Variants in DOCK2 observed in about 807,000 individuals in gnomAD.
DOCK2 encodes dedicator of cytokinesis protein 2.
Under a neutral mutation model 248.9 loss-of-function variants are expected in DOCK2, and 87 were observed. The ratio of observed to expected loss-of-function variants is 0.35; its 90% CI spans 0.29 to 0.42. The LOEUF is 0.42. Among genes scored for constraint, DOCK2 ranks in the 10% least tolerant of loss-of-function variants. The probability of loss-of-function intolerance (pLI) is 1.00; values close to 1 mark genes in which losing one functional copy is unlikely to be tolerated. For synonymous variants in DOCK2, 805 were observed against 821.6 expected (o/e 0.98, Z 0.35); for missense variants, 1,747 against 2,300.2 (o/e 0.76, Z 4.92).
At chr5:169,834,189 C>T (rs1769414753) in intron 26 of DOCK2, among the ~76,000 whole-genome samples, 2 of 132,300 alleles carry the variant, frequency 1.5e-5, no homozygotes, top group African/African-American at 3.0e-5. Flanking sequence ...GCCCTACTCA[C>T]ATGCTCAGTC....
intron 25 of DOCK2, among the ~76,000 whole-genome samples, chr5:169,787,715 T>C (rs1022582869): frequency 2.6e-5 from 4 of 151,842 alleles, no homozygotes; most frequent in African/African-American, 4.8e-5. Context: ...GCTTTTTTTT[T>C]TTTTTTGCCT....
At chr5:169,975,724 C>T (rs1468394491) in intron 27 of DOCK2, among the ~76,000 whole-genome samples, 1 of 152,182 alleles carries the variant, frequency 6.6e-6, no homozygotes, top group Admixed American at 6.5e-5. Flanking sequence ...TCATTAGTGG[C>T]ACATATCACT....
At chr5:169,778,941 G>A (rs1028963072) in intron 25 of DOCK2, among the ~76,000 whole-genome samples, 9 of 152,072 alleles carry the variant, frequency 5.9e-5, no homozygotes, top group East Asian at 1.9e-4. Context: ...TGTGGTATTC[G>A]TTTTTCTGTG....
rs778166712 is a variant in DOCK2 at position 169,751,389 on chromosome 5, C to T, written c.2376+3885C>T. On this transcript the variant is annotated intron_variant, in intron 23 of 51. Coordinates refer to ENST00000520908, the MANE Select transcript of DOCK2 (RefSeq NM_004946.3). ...GAAAGTTTCAGCTAGTGAAATAGTA[C>T]GAGGTGACCGGAGTCTTGATTCTGA... Among the ~76,000 whole-genome samples the T allele has an allele frequency of 3.0e-4, 46 of 152,240 alleles. 2 individuals carry two copies. The South Asian group carries it at 8.3e-3, about 27-fold the overall frequency.
intron 26 of DOCK2, among the ~76,000 whole-genome samples, chr5:169,838,460 G>A (rs779492728): frequency 1.3e-5 from 2 of 152,220 alleles, no homozygotes; most frequent in Non-Finnish European, 2.9e-5. Context: ...ACTAAAGACT[G>A]TCAGCTGTGG....
At chr5:169,992,181 A>G (rs1164465018) in intron 29 of DOCK2, among the ~76,000 whole-genome samples, 1 of 152,170 alleles carries the variant, frequency 6.6e-6, no homozygotes, top group East Asian at 1.9e-4. Flanking sequence ...TGGAAACCAT[A>G]TCTAACTCAG....
intron 27 of DOCK2, among the ~76,000 whole-genome samples, chr5:169,856,468 T>C (rs1282366630): frequency 6.6e-6 from 1 of 152,140 alleles, no homozygotes; most frequent in Non-Finnish European, 1.5e-5. Flanking sequence ...TGCATATTAG[T>C]GGAGATGAGG....
intron 10 of DOCK2, among the ~76,000 whole-genome samples, chr5:169,696,345 G>C (rs1760625119): frequency 6.6e-6 from 1 of 152,216 alleles, no homozygotes. Flanking sequence ...CTAAATTCCA[G>C]ATGGAAACGG....
chr5:169,804,703 A>G (rs1464567325), intron 26 of DOCK2, among the ~76,000 whole-genome samples: 1 of 152,236 alleles, frequency 6.6e-6, no homozygotes, highest in South Asian at 2.1e-4. Context: ...CCTGAAATTC[A>G]TAGACTTCAT....
At position 169,660,879 on chromosome 5, in the gene DOCK2, T is replaced by C. The variant is rs138240391; in HGVS notation, c.127+6393T>C. On this transcript the variant is annotated intron_variant, in intron 2 of 51. Coordinates refer to ENST00000520908, the MANE Select transcript of DOCK2 (RefSeq NM_004946.3). The stretch of plus-strand genomic sequence containing the variant: ...AGTTTTCCTCCCTTCTGAGTGAGGA[T>C]GAGGCTCAGACGTCAGTAAACTTCC... Among the ~76,000 whole-genome samples the C allele has an allele frequency of 5.8e-4, 89 of 152,280 alleles. 1 individual carries two copies. The East Asian group carries it at 0.017, about 28-fold the overall frequency.
chr5:169,757,294 G>A (rs1157890212), intron 23 of DOCK2, among the ~76,000 whole-genome samples: 1 of 151,936 alleles, frequency 6.6e-6, no homozygotes, highest in Non-Finnish European at 1.5e-5. Context: ...GAATGTACTG[G>A]ATACTGTGAC....
At chr5:169,760,641 C>A (rs1401971260) in intron 24 of DOCK2, among the ~76,000 whole-genome samples, 1 of 152,110 alleles carries the variant, frequency 6.6e-6, no homozygotes, top group Non-Finnish European at 1.5e-5. Flanking sequence ...AATTAAATTT[C>A]TCCCCCAGCC....
chr5:169,841,749 C>T (rs1444048085), intron 27 of DOCK2, among the ~76,000 whole-genome samples: 1 of 152,184 alleles, frequency 6.6e-6, no homozygotes, highest in Non-Finnish European at 1.5e-5. Flanking sequence ...CACTAAAAGT[C>T]ATACCTTACT....
intron 2 of DOCK2, among the ~76,000 whole-genome samples, chr5:169,664,343 T>G (rs1374886864): frequency 1.3e-5 from 2 of 152,200 alleles, no homozygotes; most frequent in Admixed American, 1.3e-4. Flanking sequence ...TCTAGCAAGT[T>G]CCAAACTTTC....
chr5:169,897,335 C>T (rs1773670629), intron 27 of DOCK2, among the ~76,000 whole-genome samples: 1 of 152,106 alleles, frequency 6.6e-6, no homozygotes, highest in African/African-American at 2.4e-5. Flanking sequence ...CAGGCACACA[C>T]CACCACACCC....
intron 27 of DOCK2, among the ~76,000 whole-genome samples, chr5:169,871,852 C>G (rs1771999423): frequency 6.6e-6 from 1 of 152,144 alleles, no homozygotes; most frequent in African/African-American, 2.4e-5. Context: ...TTCTCAATTT[C>G]AGGGCAGCCT....
chr5:170,034,400 C>A lies in DOCK2; in HGVS notation c.3469C>A (p.Leu1157Met). 1 of 1,614,008 alleles carries A rather than the reference C, an allele frequency of 6.2e-7. No individual in the cohort carries two copies. The highest frequency in any genetic ancestry group is 1.3e-5 in the African/African-American group (1 of 75,042). Residue 1157 changes from leucine (L) to methionine (M), a missense_variant and splice_region_variant, in exon 35 of 52, where the codon CTG (leucine) becomes ATG (methionine). By Grantham distance (15) the Leu-to-Met change is conservative. Around this residue, in one of 4 missense-constraint regions of DOCK2, gnomAD observed 858 missense variants for 1,183.5 expected, o/e 0.72. Coordinates refer to ENST00000520908, the MANE Select transcript of DOCK2 (RefSeq NM_004946.3). The stretch of plus-strand genomic sequence containing the variant: ...ACTGCCCTCTGGTCTCTGCCGCAGC[C>A]TGATGGAATGTGCTGCAGAGCACCC... ...EQYMQLLESI[L>M]MECAAEHPTI...
At chr5:169,728,013 A>G (rs1037049149) in intron 22 of DOCK2, among the ~76,000 whole-genome samples, 61 of 152,222 alleles carry the variant, frequency 4.0e-4, no homozygotes, top group Admixed American at 3.4e-3. Flanking sequence ...GAACTAAGGT[A>G]GTGACGGTGG....
intron 27 of DOCK2, among the ~76,000 whole-genome samples, chr5:169,912,417 G>A (rs188961617): frequency 1.1e-3 from 163 of 152,146 alleles, no homozygotes; most frequent in African/African-American, 3.8e-3. Context: ...ACTTGCGAAG[G>A]GTCTTTAATA....
Sources: allele counts gnomAD v4.1 joint callset (sites outside exome capture counted in the v4.1 genomes callset), GRCh38; gene constraint gnomAD v4.1.1; regional missense constraint gnomAD v4.1.1; transcripts MANE v1.5; gene names NCBI Gene and HGNC (gene_info 2026-07-23, HGNC 2026-07-21).